Variants in LGSN observed in about 807,000 individuals in gnomAD.
LGSN encodes the protein lengsin, lens protein with glutamine synthetase domain, also known as lengsin.
Under a neutral mutation model 19.5 loss-of-function variants are expected in LGSN, and 21 were observed. The observed-to-expected ratio is 1.07, with a 90% CI of 0.76 to 1.55. The LOEUF (loss-of-function observed/expected upper bound fraction) is 1.55, where lower values mean the gene tolerates loss of function less well. LGSN is among the 40% of genes most tolerant of loss of function. The pLI is 0.00. For missense variants in LGSN, 673 were observed against 608.5 expected (o/e 1.11, Z -1.12); for synonymous variants, 257 against 215.6 (o/e 1.19, Z -1.68).
At chr6:63,404,966 C>A in the LGSN span, among the ~76,000 whole-genome samples, 1 of 121,962 alleles carries the variant, frequency 8.2e-6, no homozygotes, top group South Asian at 3.3e-4. Flanking sequence ...GCCCCCCACC[C>A]CACAACAGTC....
chr6:63,309,829 A>G (rs1768551763), intron 1 of LGSN, among the ~76,000 whole-genome samples: 1 of 152,170 alleles, frequency 6.6e-6, no homozygotes, highest in Non-Finnish European at 1.5e-5. Context: ...GTAATTTTGT[A>G]TTCTTTGACC....
chr6:63,340,521 T>A, the LGSN span, among the ~76,000 whole-genome samples: 2 of 152,106 alleles, frequency 1.3e-5, no homozygotes, highest in Admixed American at 1.3e-4. Context: ...GTTCAGAAAT[T>A]CTTTTTTCTG....
At chr6:63,564,232 C>T in the LGSN span, among the ~76,000 whole-genome samples, 1 of 150,224 alleles carries the variant, frequency 6.7e-6, no homozygotes, top group East Asian at 2.0e-4. Context: ...ACCAAGATTG[C>T]ACCATTGCAC....
the LGSN span, among the ~76,000 whole-genome samples, chr6:63,421,233 C>T: frequency 6.7e-6 from 1 of 150,006 alleles, no homozygotes; most frequent in Non-Finnish European, 1.5e-5. Context: ...ACCAGCCTGG[C>T]CAACATGGCA....
chr6:63,289,809 G>A (rs897769971), intron 2 of LGSN, among the ~76,000 whole-genome samples: 12 of 152,144 alleles, frequency 7.9e-5, no homozygotes, highest in African/African-American at 2.9e-4. Flanking sequence ...AGGGAAAAGT[G>A]CACTTGCGAG....
chr6:63,350,270 G>T, the LGSN span, among the ~76,000 whole-genome samples: 4 of 152,198 alleles, frequency 2.6e-5, no homozygotes, highest in South Asian at 8.3e-4. Flanking sequence ...TCTTTCTTTG[G>T]TTATAATATG....
At chr6:63,535,479 A>C in the LGSN span, among the ~76,000 whole-genome samples, 4 of 152,228 alleles carry the variant, frequency 2.6e-5, no homozygotes, top group Admixed American at 6.5e-5. Flanking sequence ...AAAGAAAAAA[A>C]AAAGCAATAA....
At chr6:63,382,064 T>A in the LGSN span, among the ~76,000 whole-genome samples, 1 of 152,222 alleles carries the variant, frequency 6.6e-6, no homozygotes, top group South Asian at 2.1e-4. Context: ...GTGCTATTCT[T>A]CTTCAATCAT....
intron 2 of LGSN, among the ~76,000 whole-genome samples, chr6:63,286,158 T>C (rs1051690142): frequency 7.2e-5 from 11 of 152,206 alleles, no homozygotes; most frequent in African/African-American, 2.7e-4. Flanking sequence ...GAACTAACTG[T>C]TAATTTCTAA....
At chr6:63,450,729 G>A in the LGSN span, among the ~76,000 whole-genome samples, 1 of 151,306 alleles carries the variant, frequency 6.6e-6, no homozygotes, top group African/African-American at 2.4e-5. Flanking sequence ...CTGGAGTGTA[G>A]CAGGGCAGTC....
chr6:63,352,270 A>C, the LGSN span, among the ~76,000 whole-genome samples: 1 of 152,296 alleles, frequency 6.6e-6, no homozygotes, highest in East Asian at 1.9e-4. Context: ...ATGTTAGTAG[A>C]GATATTTATG....
the LGSN span, among the ~76,000 whole-genome samples, chr6:63,476,018 G>T: frequency 1.3e-5 from 2 of 152,116 alleles, no homozygotes; most frequent in Non-Finnish European, 2.9e-5. Context: ...AGAGCCGAGT[G>T]GAGATAAAGG....
At chr6:63,394,762 G>T in the LGSN span, among the ~76,000 whole-genome samples, 2 of 152,164 alleles carry the variant, frequency 1.3e-5, no homozygotes, top group Non-Finnish European at 2.9e-5. Context: ...GGTAACACTG[G>T]GGCCCAATGC....
chr6:63,463,301 TATC>T, the LGSN span, among the ~76,000 whole-genome samples: 1 of 152,198 alleles, frequency 6.6e-6, no homozygotes, highest in Non-Finnish European at 1.5e-5. Context: ...CTGATATTAT[TATC>T]TTTATTCATT....
chr6:63,370,464 G>C, the LGSN span, among the ~76,000 whole-genome samples: 1 of 152,242 alleles, frequency 6.6e-6, no homozygotes, highest in Non-Finnish European at 1.5e-5. Flanking sequence ...GTAAGCCTAT[G>C]TTTAGGGTTT....
Position 63,279,828 on chromosome 6 carries a change from G to T in LGSN, c.*193C>A. 2.0e-6 allele frequency: 1 copy of T among 511,832 alleles called. No individual in the cohort carries two copies. Among genetic ancestry groups the T allele is most frequent in the Non-Finnish European group, 3.4e-6 (1 of 291,364 alleles). The allele number at this position is 511,832 out of a possible 1,614,324, so 31.7% of individuals were successfully genotyped here. On this transcript the variant is annotated 3_prime_UTR_variant, in exon 4 of 4. Transcript: ENST00000370657. ...TAGCTTCACCACAACTTTGTTGTTT[G>T]TTTCTGTTATCAGAATCTTCTCAGC...
chr6:63,400,778 C>G, the LGSN span, among the ~76,000 whole-genome samples: 17,543 of 152,116 alleles, frequency 0.12, 2,018 homozygotes, highest in African/African-American at 0.3. Context: ...TGGATCACCT[C>G]AGGTCAGGAG....
At chr6:63,556,681 C>T in the LGSN span, among the ~76,000 whole-genome samples, 1 of 152,204 alleles carries the variant, frequency 6.6e-6, no homozygotes. Context: ...TGAATCTGTA[C>T]TACATCAATA....
chr6:63,284,487 G>A (rs1767450597), intron 3 of LGSN, among the ~76,000 whole-genome samples: 2 of 152,130 alleles, frequency 1.3e-5, no homozygotes, highest in Non-Finnish European at 2.9e-5. Context: ...GGATTCCACT[G>A]AGAAACTAGA....
Sources: gnomAD v4.1 joint callset for allele counts (sites outside exome capture counted in the v4.1 genomes callset) on GRCh38, gnomAD v4.1.1 for gene constraint, MANE v1.5 for transcripts, NCBI Gene and HGNC (gene_info 2026-07-23, HGNC 2026-07-21) for gene names.